Variants in NECTIN3 observed in about 807,000 individuals in gnomAD.
NECTIN3 encodes nectin-3.
A neutral mutation model predicts 49.4 loss-of-function variants in NECTIN3; 8 were observed. The observed-to-expected ratio is 0.16, with a 90% CI of 0.10 to 0.29. NECTIN3 has a LOEUF of 0.29. NECTIN3 is among the 10% of genes least tolerant of loss of function. The pLI is 1.00. For missense variants in NECTIN3, 581 were observed against 654.6 expected, an observed-to-expected ratio of 0.89 and a Z score of 1.23; for synonymous variants, 277 against 241.1, an observed-to-expected ratio of 1.15 and a Z score of -1.38.
intron 3 of NECTIN3, among the ~76,000 whole-genome samples, chr3:111,121,684 A>C (rs1198703279): frequency 6.6e-6 from 1 of 152,176 alleles, no homozygotes; most frequent in African/African-American, 2.4e-5. Context: ...ATTTCCTTTT[A>C]GATTAAATAT....
intron 7 of NECTIN3, among the ~76,000 whole-genome samples, chr3:111,185,608 G>A (rs1324370173): frequency 6.6e-6 from 1 of 152,142 alleles, no homozygotes; most frequent in Admixed American, 6.5e-5. Context: ...ATAAGCAGAA[G>A]AGAGGGAAAA....
At chr3:111,140,140 G>A (rs990395157), downstream of NECTIN3, among the ~76,000 whole-genome samples, 32 of 151,758 alleles carry the variant, frequency 2.1e-4, no homozygotes, top group African/African-American at 7.7e-4. Context: ...GATTCAAATG[G>A]AAGAAGTAGA....
At chr3:111,098,800 C>T (rs1443843389) in intron 1 of NECTIN3, among the ~76,000 whole-genome samples, 1 of 151,964 alleles carries the variant, frequency 6.6e-6, no homozygotes, top group Non-Finnish European at 1.5e-5. Context: ...TTTCAACCTG[C>T]AATATTCTGT....
intron 7 of NECTIN3, among the ~76,000 whole-genome samples, chr3:111,175,352 G>A (rs2035508004): frequency 6.6e-6 from 1 of 151,576 alleles, no homozygotes; most frequent in Non-Finnish European, 1.5e-5. Context: ...TTGAGGGTGG[G>A]ACCTTTGCCA....
chr3:111,094,084 T>C (rs2032439999), intron 1 of NECTIN3, among the ~76,000 whole-genome samples: 2 of 152,058 alleles, frequency 1.3e-5, no homozygotes, highest in Non-Finnish European at 1.5e-5. Flanking sequence ...AAAAACAAAC[T>C]GTGGCAATAC....
At chr3:111,177,623 C>T (rs752880571) in intron 7 of NECTIN3, among the ~76,000 whole-genome samples, 3 of 152,018 alleles carry the variant, frequency 2.0e-5, no homozygotes, top group Non-Finnish European at 2.9e-5. Context: ...TGAGGGTGTT[C>T]GGGTGTGTTG....
At chr3:111,127,093 A>C (rs2034193256) in intron 5 of NECTIN3, among the ~76,000 whole-genome samples, 1 of 152,212 alleles carries the variant, frequency 6.6e-6, no homozygotes, top group African/African-American at 2.4e-5. Context: ...AGAATGTAGC[A>C]ATCTTCCTGT....
intron 1 of NECTIN3, among the ~76,000 whole-genome samples, chr3:111,084,417 A>G (rs1001502647): frequency 2.6e-5 from 4 of 152,178 alleles, no homozygotes; most frequent in Non-Finnish European, 4.4e-5. Context: ...TGTTGTGTGG[A>G]TGTTAGTATT....
chr3:111,072,820 C>G (rs1176158530), intron 1 of NECTIN3: 6 of 423,818 alleles, frequency 1.4e-5, no homozygotes, highest in Non-Finnish European at 2.5e-5. Context: ...CTTATTTTAC[C>G]AAACCGCAGG....
rs1190549551 is a variant in NECTIN3, at chr3:111,118,830, C to T, written c.677C>T (p.Thr226Met). Residue 226 changes from threonine to methionine, a missense_variant, in exon 3 of 6, where the codon ACG becomes ATG. Coordinates refer to ENST00000485303, the MANE Select transcript of NECTIN3 (RefSeq NM_015480.3). ...TTTSFPNETA[T>M]IISQYKLFPT... Reference sequence around the variant, plus strand: ...ACTTCTTTTCCAAATGAAACGGCAACGATTATCAGCCAGTACAAGCTATTT... The same window carrying T: ...ACTTCTTTTCCAAATGAAACGGCAATGATTATCAGCCAGTACAAGCTATTT... The T allele has an allele frequency of 1.2e-6, 2 of 1,613,924 alleles. No individual in the cohort carries two copies. The highest frequency in any genetic ancestry group is 1.7e-6 in the Non-Finnish European group (2 of 1,180,002).
rs1442607054 is a variant in NECTIN3, at chr3:111,135,442, T to C, written c.*1227T>C. ...ATATTCCTTCTGAATCATTTATCTTTTGAGAAAGAAATGTTACCTAAACTT... is the reference window on the plus strand; with the variant it reads ...ATATTCCTTCTGAATCATTTATCTTCTGAGAAAGAAATGTTACCTAAACTT... On this transcript the variant is annotated 3_prime_UTR_variant, in exon 6 of 6. Coordinates refer to ENST00000485303, the MANE Select transcript of NECTIN3 (RefSeq NM_015480.3). 2 of 937,118 alleles carry C rather than the reference T, an allele frequency of 2.1e-6. No homozygotes were observed. Among genetic ancestry groups the C allele is most frequent in the Non-Finnish European group, 2.5e-6 (2 of 786,346 alleles). The allele number at this position is 937,118 out of a possible 1,614,324, so 58.1% of individuals were successfully genotyped here.
At chr3:111,093,892 T>C in intron 1 of NECTIN3, among the ~76,000 whole-genome samples, 1 of 152,254 alleles carries the variant, frequency 6.6e-6, no homozygotes, top group South Asian at 2.1e-4. Context: ...TTTTAAAACC[T>C]CTATTAGTCT....
At chr3:111,072,417 C>A (rs1291701740) in intron 1 of NECTIN3, 15 of 1,524,426 alleles carry the variant, frequency 9.8e-6, no homozygotes, top group Non-Finnish European at 1.3e-5. Context: ...GGTCGCCGTG[C>A]GGATGGCCGA....
Position 111,135,972 on chromosome 3 carries a change from G to A in NECTIN3, c.*1757G>A, listed in dbSNP as rs2034561282. ...CTTACAAATGTCTGGGTTTTAATATGGTTAATCACTTATATACAAATATTA... is the reference window on the plus strand; with the variant it reads ...CTTACAAATGTCTGGGTTTTAATATAGTTAATCACTTATATACAAATATTA... On this transcript the variant is annotated 3_prime_UTR_variant, in exon 6 of 6. Transcript: ENST00000485303. 6 of 945,440 alleles carry A rather than the reference G, an allele frequency of 6.3e-6. No homozygotes were observed. Among genetic ancestry groups the A allele is most frequent in the Non-Finnish European group, 7.6e-6 (6 of 794,196 alleles). 58.6% of individuals were successfully genotyped at this position (945,440 alleles called of 1,614,324 possible).
chr3:111,119,392 C>T (rs1026770034), intron 3 of NECTIN3, among the ~76,000 whole-genome samples: 10 of 152,286 alleles, frequency 6.6e-5, no homozygotes, highest in African/African-American at 1.2e-4. Context: ...AGTGTAGTGG[C>T]GTCATCTCTG....
Position 111,085,700 on chromosome 3 carries a change from ATT to A in NECTIN3, c.160+13536_160+13537del, listed in dbSNP as rs139730502. On this transcript the variant is annotated intron_variant, in intron 1 of 5. Transcript: ENST00000485303. ...CATCCATGTTGTTGCATGTAGCAGT[ATT>A]TTTTTTTTTTTTACCACTGTACGGT... Among the ~76,000 whole-genome samples, 24 of 142,506 alleles carry A rather than the reference ATT, an allele frequency of 1.7e-4. No homozygotes were observed. In the South Asian group the frequency reaches 2.2e-3, roughly 13 times the overall value. 93.5% of individuals were successfully genotyped at this position (142,506 alleles called of 152,430 possible). A position where few individuals can be genotyped will look rare whatever the true frequency, so the allele number is the denominator to read the frequency against.
intron 1 of NECTIN3, chr3:111,193,292 G>A (rs777592098): frequency 1.2e-4 from 178 of 1,535,712 alleles, no homozygotes; most frequent in Non-Finnish European, 1.5e-4. Context: ...ACAATCAAAT[G>A]TGCTACCAAG....
intron 1 of NECTIN3, among the ~76,000 whole-genome samples, chr3:111,099,440 A>G (rs1163223719): frequency 6.6e-6 from 1 of 152,070 alleles, no homozygotes; most frequent in Non-Finnish European, 1.5e-5. Context: ...CATAACGTTC[A>G]TTGCCTTGTA....
intron 1 of NECTIN3, among the ~76,000 whole-genome samples, chr3:111,083,973 T>C (rs1402437062): frequency 6.6e-6 from 1 of 152,212 alleles, no homozygotes; most frequent in Non-Finnish European, 1.5e-5. Flanking sequence ...GAAAAACTTT[T>C]TTTAAAAAAT....
Sources: gnomAD v4.1 joint callset for allele counts (sites outside exome capture counted in the v4.1 genomes callset) on GRCh38, gnomAD v4.1.1 for gene constraint, MANE v1.5 for transcripts, NCBI Gene and HGNC (gene_info 2026-07-23, HGNC 2026-07-21) for gene names.